TRIO: variants seen among roughly 807,000 people sequenced by gnomAD.
The protein encoded by TRIO is triple functional domain protein.
In TRIO, 58 loss-of-function variants were observed where a neutral mutation model predicts 351.9. That is an observed-to-expected ratio of 0.16 (90% CI 0.13 to 0.21). The LOEUF (loss-of-function observed/expected upper bound fraction) is 0.21. Among genes scored for constraint, TRIO ranks in the 10% least tolerant of loss-of-function variants. The pLI, the probability that TRIO is intolerant of heterozygous loss-of-function variation, is 1.00. For missense variants in TRIO, 3,201 were observed against 4,027.8 expected (o/e 0.79, Z 5.56); for synonymous variants, 1,758 against 1,595.7 (o/e 1.10, Z -2.42).
chr5:14,257,457 G>A (rs893446491), intron 1 of TRIO, among the ~76,000 whole-genome samples: 9 of 152,232 alleles, frequency 5.9e-5, no homozygotes, highest in East Asian at 5.8e-4. Context: ...TTTTGCTCAC[G>A]TGGTTTTTTT....
intron 8 of TRIO, among the ~76,000 whole-genome samples, chr5:14,316,048 C>A (rs1169586263): frequency 1.3e-5 from 2 of 152,166 alleles, no homozygotes; most frequent in African/African-American, 2.4e-5. Context: ...TTAACTGAGG[C>A]TTTAAGGAAC....
intron 1 of TRIO, among the ~76,000 whole-genome samples, chr5:14,242,252 T>C (rs1388244027): frequency 2.0e-5 from 3 of 152,354 alleles, no homozygotes; most frequent in Middle Eastern, 3.4e-3. Context: ...AACAGAAAGC[T>C]CTTTTCTCCA....
At chr5:14,281,278 G>A (rs2607078) in intron 3 of TRIO, among the ~76,000 whole-genome samples, 46,959 of 152,076 alleles carry the variant, frequency 0.31, 9,677 homozygotes, top group African/African-American at 0.58. Context: ...CAGAAGGCAA[G>A]GGGGAAGCAG....
At chr5:14,392,828 T>G (rs1412748320) in intron 27 of TRIO, among the ~76,000 whole-genome samples, 1 of 151,952 alleles carries the variant, frequency 6.6e-6, no homozygotes, top group Non-Finnish European at 1.5e-5. Context: ...AGGTGGATCA[T>G]GAGGTCAGGA....
intron 3 of TRIO, among the ~76,000 whole-genome samples, chr5:14,285,374 C>CT (rs1046631215): frequency 6.6e-6 from 1 of 152,028 alleles, no homozygotes; most frequent in African/African-American, 2.4e-5. Flanking sequence ...GGTCCTACTG[C>CT]TGGGCTCTAA....
At chr5:14,157,769 G>A (rs1432870046) in intron 1 of TRIO, among the ~76,000 whole-genome samples, 3 of 151,844 alleles carry the variant, frequency 2.0e-5, no homozygotes, top group Non-Finnish European at 1.5e-5. Flanking sequence ...ATCTTTTTTT[G>A]TAGAGATGGG....
chr5:14,466,456 C>A (rs1280812329), intron 37 of TRIO: 2 of 152,336 alleles, frequency 1.3e-5, no homozygotes, highest in Admixed American at 1.3e-4. Context: ...TTGATAAAAG[C>A]CCCAAATTAA....
At chr5:14,388,501 A>G in intron 23 of TRIO, 112 bp from the exon 24 acceptor site, 3 of 1,021,520 alleles carry the variant, frequency 2.9e-6, no homozygotes, top group Non-Finnish European at 4.4e-6. Context: ...CAAAATGATC[A>G]ATCTAAGACT....
At chr5:14,170,913 A>G (rs1292938325) in intron 1 of TRIO, among the ~76,000 whole-genome samples, 1 of 152,192 alleles carries the variant, frequency 6.6e-6, no homozygotes, top group African/African-American at 2.4e-5. Context: ...ATAAGTACAT[A>G]TTTGTTTTTA....
chr5:14,213,183 G>T (rs1792015379), intron 1 of TRIO, among the ~76,000 whole-genome samples: 1 of 152,098 alleles, frequency 6.6e-6, no homozygotes, highest in Admixed American at 6.5e-5. Flanking sequence ...TGGTTGGAAT[G>T]AAGGAGAAGG....
chr5:14,375,042 A>G (rs1745435818), intron 19 of TRIO, among the ~76,000 whole-genome samples: 1 of 152,248 alleles, frequency 6.6e-6, no homozygotes, highest in South Asian at 2.1e-4. Flanking sequence ...TTCATCTCAC[A>G]CTTTTCAAAA....
intron 19 of TRIO, among the ~76,000 whole-genome samples, chr5:14,375,722 G>A (rs1400357730): frequency 6.6e-6 from 1 of 152,214 alleles, no homozygotes; most frequent in Non-Finnish European, 1.5e-5. Context: ...AGGGCGCTTA[G>A]CACTGTTTGC....
intron 18 of TRIO, among the ~76,000 whole-genome samples, chr5:14,371,593 A>G (rs2152346007): frequency 6.6e-6 from 1 of 151,786 alleles, no homozygotes; most frequent in East Asian, 1.9e-4. Flanking sequence ...ATTCTTTAAT[A>G]TTATCTGAAA....
intron 34 of TRIO, among the ~76,000 whole-genome samples, chr5:14,457,790 C>T (rs1753473369): frequency 6.6e-6 from 1 of 152,090 alleles, no homozygotes; most frequent in Non-Finnish European, 1.5e-5. Flanking sequence ...TTTCCGAGAG[C>T]ACGCCTGCTT....
intron 34 of TRIO, among the ~76,000 whole-genome samples, chr5:14,447,697 T>C (rs1752542649): frequency 6.6e-6 from 1 of 152,162 alleles, no homozygotes; most frequent in South Asian, 2.1e-4. Flanking sequence ...TTTCAACAAA[T>C]CATAGGAAGA....
intron 6 of TRIO, 29 bp from the exon 7 acceptor site, chr5:14,297,043 G>A (rs1268866502): frequency 6.3e-7 from 1 of 1,595,070 alleles, no homozygotes; most frequent in Non-Finnish European, 8.6e-7. Flanking sequence ...TCTCCCCTAA[G>A]GAGCCCTCTT....
At chr5:14,412,519 C>T (rs1749290960) in intron 33 of TRIO, among the ~76,000 whole-genome samples, 1 of 152,142 alleles carries the variant, frequency 6.6e-6, no homozygotes, top group Non-Finnish European at 1.5e-5. Context: ...TGCAGTCCTG[C>T]GTTCTGCCTC....
chr5:14,498,850 C>T (rs1757079697), intron 53 of TRIO: 1 of 602,302 alleles, frequency 1.7e-6, no homozygotes, highest in East Asian at 3.5e-5. Flanking sequence ...TATGTAAAGT[C>T]GGGGGAGACA....
intron 1 of TRIO, among the ~76,000 whole-genome samples, chr5:14,232,429 A>C (rs1298729023): frequency 6.6e-6 from 1 of 151,412 alleles, no homozygotes; most frequent in African/African-American, 2.4e-5. Context: ...CAGCACCCCC[A>C]CTCCTTGACC....
Sources: allele counts gnomAD v4.1 joint callset (sites outside exome capture counted in the v4.1 genomes callset), GRCh38; gene constraint gnomAD v4.1.1; transcripts MANE v1.5; gene names NCBI Gene and HGNC (gene_info 2026-07-23, HGNC 2026-07-21).